Variants in ZNF445 observed in about 807,000 individuals in gnomAD.
The protein encoded by ZNF445 is zinc finger protein 445, also known as zinc finger protein 168.
In ZNF445, 19 loss-of-function variants were observed where a neutral mutation model predicts 93.9. The observed-to-expected ratio is 0.20, with a 90% CI of 0.14 to 0.30. ZNF445 has a LOEUF of 0.30. ZNF445 is among the 10% of genes least tolerant of loss of function. The pLI, the probability that ZNF445 is intolerant of heterozygous loss-of-function variation, is 1.00. For missense variants in ZNF445, 1,058 were observed against 1,259.4 expected (o/e 0.84, Z 2.42); for synonymous variants, 449 against 446.3 (o/e 1.01, Z -0.08).
At position 44,448,226 on chromosome 3, in the gene ZNF445, C is replaced by T. The variant is rs934527467; in HGVS notation, c.1445G>A (p.Gly482Glu). ...HQRGQSLHTVGVSFKCSDCGR... is the reference protein window; with the variant it reads ...HQRGQSLHTVEVSFKCSDCGR... ...ACAGTCACTGCACTTAAATGACACT[C>T]CCACTGTGTGAAGACTCTGCCCACG... The change falls in exon 8 of 8, where the codon GGA becomes GAA. Residue 482 changes from glycine to glutamate, a missense_variant. By Grantham distance (98) the Gly-to-Glu change is moderately conservative (BLOSUM62 -2). Coordinates refer to ENST00000396077, the MANE Select transcript of ZNF445 (RefSeq NM_181489.6). The T allele has an allele frequency of 2.5e-6, 4 of 1,614,202 alleles. No individual in the cohort carries two copies. The highest frequency in any genetic ancestry group is 3.4e-6 in the Non-Finnish European group (4 of 1,180,036).
intron 2 of ZNF445, among the ~76,000 whole-genome samples, chr3:44,457,773 C>T (rs1332102796): frequency 3.9e-5 from 6 of 151,918 alleles, no homozygotes; most frequent in South Asian, 4.2e-4. Flanking sequence ...GAGGCCTAGG[C>T]GCGTGGATCA....
rs900262386 is a variant in ZNF445 at position 44,448,865 on chromosome 3, T to C, written c.932-126A>G. On this transcript the variant is annotated intron_variant, in intron 7 of 7. Transcript: ENST00000396077. ...CCTGACTGCCAATACCTTTATAAAATAGTCAAACATAAGGCAAAACATGGA... is the reference window on the plus strand; with the variant it reads ...CCTGACTGCCAATACCTTTATAAAACAGTCAAACATAAGGCAAAACATGGA... The C allele has an allele frequency of 1.8e-5, 21 of 1,164,148 alleles. No homozygotes were observed. The African/African-American group carries it at 2.5e-4, about 14-fold the overall frequency. 72.1% of individuals were successfully genotyped at this position (1,164,148 alleles called of 1,614,324 possible). A position where few individuals can be genotyped will look rare whatever the true frequency, so the allele number is the denominator to read the frequency against.
Position 44,438,392 on chromosome 3 carries a change from G to C in ZNF445, c.*8183C>G, listed in dbSNP as rs1306536841. On this transcript the variant is annotated 3_prime_UTR_variant, in exon 8 of 8. Transcript: ENST00000396077. ...CCAGGCTGGCTGGTCTCAATCTCCT[G>C]ATCTCGTGATCTGCCCGCCTCAGCC... The C allele has an allele frequency of 6.6e-6, 1 of 152,044 alleles. No individual in the cohort carries two copies. The highest frequency in any genetic ancestry group is 1.5e-5 in the Non-Finnish European group (1 of 68,018). The allele number at this position is 152,044 out of a possible 1,614,324, so 9.4% of individuals were successfully genotyped here. A position where few individuals can be genotyped will look rare whatever the true frequency, so the allele number is the denominator to read the frequency against.
At chr3:44,474,658 C>T (rs921458184) in intron 1 of ZNF445, among the ~76,000 whole-genome samples, 4 of 152,186 alleles carry the variant, frequency 2.6e-5, no homozygotes, top group African/African-American at 9.6e-5. Context: ...TAGATTGGAG[C>T]CTACAACAGA....
chr3:44,450,732 G>A, intron 5 of ZNF445, 136 bp downstream of exon 5: 2 of 1,277,156 alleles, frequency 1.6e-6, no homozygotes, highest in Non-Finnish European at 1.1e-6. Context: ...GGCTTGAGGG[G>A]GATAATCTGG....
chr3:44,437,515 G>A lies in ZNF445; in HGVS notation c.*9060C>T, dbSNP rs1357136830. The A allele has an allele frequency of 6.6e-6, 1 of 152,156 alleles. No individual in the cohort carries two copies. The highest frequency in any genetic ancestry group is 2.4e-5 in the African/African-American group (1 of 41,430). 9.4% of individuals were successfully genotyped at this position (152,156 alleles called of 1,614,324 possible). On this transcript the variant is annotated 3_prime_UTR_variant, in exon 8 of 8. Coordinates refer to ENST00000396077, the MANE Select transcript of ZNF445 (RefSeq NM_181489.6). ...AAAACAAGTTTATTAAGAAAGTAAA[G>A]TGGTGAAAGGACAGCTACTCCATAG... is the stretch of plus-strand genomic sequence containing the variant.
chr3:44,455,413 A>C lies in ZNF445; in HGVS notation c.137T>G (p.Leu46Arg). 1 of 1,614,218 alleles carries C rather than the reference A, an allele frequency of 6.2e-7. No homozygotes were observed. Among genetic ancestry groups the C allele is most frequent in the Non-Finnish European group, 8.5e-7 (1 of 1,180,030 alleles). The part of the protein sequence containing the change: ...TPVQAARPQT[L>R]NRPGQELFRQ... ...GAACAGCTCCTGGCCAGGGCGGTTG[A>C]GAGTCTGTGGCCTGGCAGCCTGCAC... is the stretch of plus-strand genomic sequence containing the variant. The change falls in exon 3 of 8, where the codon CTC becomes CGC. Residue 46 changes from leucine to arginine, a missense_variant. This residue lies in a region of ZNF445 where 657 missense variants were observed against 746.4 expected (regional missense o/e 0.88). Coordinates refer to ENST00000396077, the MANE Select transcript of ZNF445 (RefSeq NM_181489.6).
chr3:44,454,199 A>T (rs1697993465), intron 3 of ZNF445, among the ~76,000 whole-genome samples: 1 of 151,734 alleles, frequency 6.6e-6, no homozygotes, highest in East Asian at 1.9e-4. Context: ...GCCTCAAAAA[A>T]AAAAAGAAAA....
Position 44,454,870 on chromosome 3 carries a change from T to G in ZNF445, c.429+251A>C, listed in dbSNP as rs1424982954. On this transcript the variant is annotated intron_variant, in intron 3 of 7. Coordinates refer to ENST00000396077, the MANE Select transcript of ZNF445 (RefSeq NM_181489.6). ...ATGTGTGAGCCACTGTGCCCAGAAG[T>G]TGCTGTTATTTATGGAGACTTGCTG... is the stretch of plus-strand genomic sequence containing the variant. The G allele has an allele frequency of 5.6e-6, 3 of 535,646 alleles. No homozygotes were observed. The East Asian group carries it at 9.9e-5, about 18-fold the overall frequency. 33.2% of individuals were successfully genotyped at this position (535,646 alleles called of 1,614,324 possible).
At chr3:44,454,941 C>T (rs1698007231) in intron 3 of ZNF445, 180 bp downstream of exon 3, 2 of 673,646 alleles carry the variant, frequency 3.0e-6, no homozygotes, top group East Asian at 2.7e-5. Context: ...GGAAAGGATA[C>T]CTGCTAAAGG....
rs1307077223 is a variant in ZNF445, at chr3:44,441,354, A to C, written c.*5221T>G. The C allele has an allele frequency of 1.3e-5, 2 of 152,248 alleles. No homozygotes were observed. The highest frequency in any genetic ancestry group is 2.9e-5 in the Non-Finnish European group (2 of 68,056). 9.4% of individuals were successfully genotyped at this position (152,248 alleles called of 1,614,324 possible). ...CATCTTGGTTTTGACCGGCTTCTTT[A>C]CCACATGCTGTTTTATTGGCAAGGT... On this transcript the variant is annotated 3_prime_UTR_variant, in exon 8 of 8. Transcript: ENST00000396077.
chr3:44,472,093 A>C (rs1198171947), intron 1 of ZNF445, among the ~76,000 whole-genome samples: 1 of 152,186 alleles, frequency 6.6e-6, no homozygotes, highest in African/African-American at 2.4e-5. Flanking sequence ...ACAGAAGAGA[A>C]AGAAAACCAA....
Position 44,432,907 on chromosome 3 carries a change from T to C in ZNF445, c.*13668A>G, listed in dbSNP as rs1697588869. ...GAGTTACAACCCATGGATTCCTTTG[T>C]GTCTGCTTCCTTTTCATTAAAATTC... On this transcript the variant is annotated 3_prime_UTR_variant, in exon 8 of 8. Transcript: ENST00000396077. 6.6e-6 allele frequency: 1 copy of C among 152,226 alleles called. No individual in the cohort carries two copies. The allele number at this position is 152,226 out of a possible 1,614,324, so 9.4% of individuals were successfully genotyped here.
At chr3:44,472,206 A>C (rs1698278694) in intron 1 of ZNF445, among the ~76,000 whole-genome samples, 1 of 152,246 alleles carries the variant, frequency 6.6e-6, no homozygotes, top group Admixed American at 6.5e-5. Context: ...TAAGAAATGT[A>C]CCCAGTGAAA....
At chr3:44,476,163 T>C (rs775284443) in intron 1 of ZNF445, among the ~76,000 whole-genome samples, 25 of 152,142 alleles carry the variant, frequency 1.6e-4, no homozygotes, top group Non-Finnish European at 3.2e-4. Flanking sequence ...ATCTTGAAAA[T>C]TGCAAAATAC....
rs771377191 is a variant in ZNF445 at position 44,477,581 on chromosome 3, G to A, written c.-269+10C>T. ...CCACCCCCACCCCCGCGCCCCGCCAGGCCTCTCACCGACTCCCGCCGCCGA... is the reference window on the plus strand; with the variant it reads ...CCACCCCCACCCCCGCGCCCCGCCAAGCCTCTCACCGACTCCCGCCGCCGA... On this transcript the variant is annotated intron_variant, in intron 1 of 7. Transcript: ENST00000396077. 8.4e-4 allele frequency: 127 copies of A among 151,336 alleles called. No individual in the cohort carries two copies. Among genetic ancestry groups the A allele is most frequent in the South Asian group, 2.2e-3 (11 of 5,006 alleles). The allele number at this position is 151,336 out of a possible 1,614,324, so 9.4% of individuals were successfully genotyped here.
At chr3:44,474,117 C>G (rs1400248504) in intron 1 of ZNF445, among the ~76,000 whole-genome samples, 2 of 152,222 alleles carry the variant, frequency 1.3e-5, no homozygotes, top group Admixed American at 1.3e-4. Flanking sequence ...AGTAAACTAT[C>G]TTCCCCCAAA....
rs1216464412 is a variant in ZNF445, at chr3:44,450,826, G to A, written c.693+42C>T. 11 of 1,471,626 alleles carry A rather than the reference G, an allele frequency of 7.5e-6. No individual in the cohort carries two copies. In the Middle Eastern group the frequency reaches 5.4e-4, roughly 72 times the overall value. 91.2% of individuals were successfully genotyped at this position (1,471,626 alleles called of 1,614,324 possible). The stretch of plus-strand genomic sequence containing the variant: ...AAGCTGCACTATCCCATTAGGCAGC[G>A]ACGTGGGGACATCAGGAAGGACCAA... On this transcript the variant is annotated intron_variant, in intron 5 of 7. Coordinates refer to ENST00000396077, the MANE Select transcript of ZNF445 (RefSeq NM_181489.6).
chr3:44,447,279 C>T lies in ZNF445; in HGVS notation c.2392G>A (p.Ala798Thr). The stretch of plus-strand genomic sequence containing the variant: ...TAGAGATTGGAACTCCATCTGAAGG[C>T]TTTCCCACACTCCCTGCACTTATAT... ...KPYKCRECGK[A>T]FRWSSNLYRH... The change falls in exon 8 of 8, where the codon GCC (alanine) becomes ACC (threonine). Residue 798 changes from alanine to threonine, a missense_variant. Physicochemically the swap from Ala to Thr is moderately conservative, Grantham distance 58 (BLOSUM62 0). Transcript: ENST00000396077. The surrounding 1 kb of genome is among the most constrained non-coding windows in gnomAD (Gnocchi z 4.7). The T allele has an allele frequency of 5.0e-6, 8 of 1,614,148 alleles. No individual in the cohort carries two copies. The highest frequency in any genetic ancestry group is 6.8e-6 in the Non-Finnish European group (8 of 1,180,020).
Sources: allele counts gnomAD v4.1 joint callset (sites outside exome capture counted in the v4.1 genomes callset), GRCh38; gene constraint gnomAD v4.1.1; regional missense constraint gnomAD v4.1.1; non-coding constraint Gnocchi (gnomAD v3.1); transcripts MANE v1.5; gene names NCBI Gene and HGNC (gene_info 2026-07-23, HGNC 2026-07-21).